The following EGFR variants were observed in gnomAD, a reference collection of about 807,000 sequenced individuals.
EGFR encodes the protein epidermal growth factor receptor, also known as avian erythroblastic leukemia viral (v-erb-b) oncogene homolog.
In EGFR, 58 loss-of-function variants were observed where a neutral mutation model predicts 143.0. That is an observed-to-expected ratio of 0.41 (90% CI 0.33 to 0.50). The LOEUF (loss-of-function observed/expected upper bound fraction) is 0.50, where lower values mean the gene tolerates loss of function less well. EGFR is among the 20% of genes least tolerant of loss of function. EGFR has a pLI of 0.39. For missense variants in EGFR, 1,307 were observed against 1,579.0 expected, an observed-to-expected ratio of 0.83 and a Z score of 2.92; for synonymous variants, 613 against 594.4, an observed-to-expected ratio of 1.03 and a Z score of -0.45.
At chr7:55,146,166 C>T (rs1487992060) in intron 3 of EGFR, among the ~76,000 whole-genome samples, 1 of 151,994 alleles carries the variant, frequency 6.6e-6, no homozygotes, top group Non-Finnish European at 1.5e-5. Context: ...CCTGGGCATG[C>T]AAGGTGGAGC....
intron 1 of EGFR, among the ~76,000 whole-genome samples, chr7:55,065,116 G>C (rs1789421575): frequency 1.3e-5 from 2 of 152,242 alleles, no homozygotes; most frequent in African/African-American, 4.8e-5. Flanking sequence ...TGACACTTTT[G>C]ATGATTGCTC....
In EGFR at chr7:55,175,089, T is replaced by C. The variant is rs712831; in HGVS notation, c.2283+269T>C. Among the ~76,000 whole-genome samples the C allele has an allele frequency of 0.73, 111,559 of 152,134 alleles. 41,490 individuals are homozygous for C. The highest frequency in any genetic ancestry group is 0.79 in the Admixed American group (12,146 of 15,302). ...AGCACTAGTTTCTTGACACGCATGA[T>C]GAGTGAGTGCTCTTGGTGAGCCTGG... On this transcript the variant is annotated intron_variant, in intron 19 of 27. Coordinates refer to ENST00000275493, the MANE Select transcript of EGFR (RefSeq NM_005228.5).
chr7:55,157,189 C>T (rs1187667583), intron 10 of EGFR, among the ~76,000 whole-genome samples: 1 of 152,242 alleles, frequency 6.6e-6, no homozygotes, highest in African/African-American at 2.4e-5. Flanking sequence ...CTTGTGGGGC[C>T]ACGGGCAAGC....
intron 1 of EGFR, among the ~76,000 whole-genome samples, chr7:55,133,514 G>A (rs561793261): frequency 7.0e-4 from 106 of 152,336 alleles, no homozygotes; most frequent in Non-Finnish European, 1.0e-3. Flanking sequence ...TTTTGAAGCC[G>A]ATTTTCCAGC....
intron 15 of EGFR, chr7:55,170,952 C>A: frequency 1.4e-6 from 2 of 1,437,642 alleles, no homozygotes; most frequent in Non-Finnish European, 1.8e-6. Flanking sequence ...AGAACAACGC[C>A]TGTCACAGAG....
intron 1 of EGFR, among the ~76,000 whole-genome samples, chr7:55,103,347 T>C (rs1791931506): frequency 6.6e-6 from 1 of 152,242 alleles, no homozygotes; most frequent in African/African-American, 2.4e-5. Flanking sequence ...GATTTCTTAA[T>C]TAATATTATG....
intron 27 of EGFR, among the ~76,000 whole-genome samples, chr7:55,204,818 T>C (rs1268940329): frequency 8.2e-6 from 1 of 121,556 alleles, no homozygotes; most frequent in Admixed American, 8.5e-5. Context: ...ACACCACATA[T>C]ACACACACGT....
chr7:55,199,381 C>G (rs569090432), intron 23 of EGFR, among the ~76,000 whole-genome samples: 50 of 152,218 alleles, frequency 3.3e-4, no homozygotes, highest in African/African-American at 1.2e-3. Flanking sequence ...ACCAGATTCA[C>G]GAGTGCAGTG....
Position 55,208,929 on chromosome 7 carries a change from C to T in EGFR, c.*3312C>T, listed in dbSNP as rs952547266. On this transcript the variant is annotated 3_prime_UTR_variant, in exon 28 of 28. Transcript: ENST00000275493. ...TCAGAGCACCCCCTGGTTATTGCAA[C>T]ATTCATCAAAGTTTCTAGAACCTCT... 10 of 152,144 alleles carry T rather than the reference C, an allele frequency of 6.6e-5. No homozygotes were observed. The highest frequency in any genetic ancestry group is 5.9e-4 in the Admixed American group (9 of 15,276). 9.4% of individuals were successfully genotyped at this position (152,144 alleles called of 1,614,324 possible).
At chr7:55,060,887 T>A (rs1789127269) in intron 1 of EGFR, among the ~76,000 whole-genome samples, 1 of 152,202 alleles carries the variant, frequency 6.6e-6, no homozygotes, top group African/African-American at 2.4e-5. Context: ...GTGCTCTGGT[T>A]AACACTGAGT....
At chr7:55,101,091 A>G (rs991386432) in intron 1 of EGFR, among the ~76,000 whole-genome samples, 3 of 152,054 alleles carry the variant, frequency 2.0e-5, no homozygotes, top group Non-Finnish European at 4.4e-5. Flanking sequence ...CCCTCTGACA[A>G]CTCTGCTCCT....
chr7:55,026,521 C>T (rs1228460322), intron 1 of EGFR, among the ~76,000 whole-genome samples: 4 of 152,196 alleles, frequency 2.6e-5, no homozygotes, highest in South Asian at 2.1e-4. Context: ...GTCAGCATGA[C>T]CATAAACCAC....
In EGFR at chr7:55,209,849, T is replaced by C. The variant is rs1248197373; in HGVS notation, c.*4232T>C. On this transcript the variant is annotated 3_prime_UTR_variant, in exon 28 of 28. Transcript: ENST00000275493. ...CTACTAAAACAAACACAGTTTACTT[T>C]AGAGAGACTGCAATAGAATCAAAAT... The C allele has an allele frequency of 6.6e-6, 1 of 152,194 alleles. No individual in the cohort carries two copies. The highest frequency in any genetic ancestry group is 1.9e-4 in the East Asian group (1 of 5,206). The allele number at this position is 152,194 out of a possible 1,614,324, so 9.4% of individuals were successfully genotyped here. A position where few individuals can be genotyped will look rare whatever the true frequency, so the allele number is the denominator to read the frequency against.
At chr7:55,138,866 A>G (rs1159265084) in intron 1 of EGFR, among the ~76,000 whole-genome samples, 1 of 152,188 alleles carries the variant, frequency 6.6e-6, no homozygotes, top group Non-Finnish European at 1.5e-5. Context: ...TCTGCTTGGC[A>G]GCTGGTGAGG....
intron 1 of EGFR, among the ~76,000 whole-genome samples, chr7:55,100,310 G>A (rs1313403578): frequency 1.3e-5 from 2 of 152,208 alleles, no homozygotes; most frequent in African/African-American, 4.8e-5. Flanking sequence ...GACACCATGA[G>A]CTCACTGTCA....
At chr7:55,148,216 G>C (rs10488143) in intron 4 of EGFR, among the ~76,000 whole-genome samples, 6,334 of 152,148 alleles carry the variant, frequency 0.042, 154 homozygotes, top group Middle Eastern at 0.12. Context: ...ATGAGATCAA[G>C]GTTAGCATTT....
rs1381482908 is a variant in EGFR at position 55,048,295 on chromosome 7, C to T, written c.88+28930C>T. ...CATATGTGTTGTGTGTACAGGCTCC[C>T]AGCATTTCCAGGGCCCTGCTCAGAA... On this transcript the variant is annotated intron_variant, in intron 1 of 27. Transcript: ENST00000275493. 2.0e-5 allele frequency among the ~76,000 whole-genome samples: 3 copies of T among 152,304 alleles called. No homozygotes were observed. The East Asian group carries it at 5.8e-4, about 29-fold the overall frequency.
chr7:55,022,616 T>G (rs957597061), intron 1 of EGFR, among the ~76,000 whole-genome samples: 1 of 151,954 alleles, frequency 6.6e-6, no homozygotes, highest in African/African-American at 2.4e-5. Flanking sequence ...GAAGGGGGGG[T>G]GAGTTTTAAG....
chr7:55,100,600 C>G (rs556115335), intron 1 of EGFR, among the ~76,000 whole-genome samples: 1 of 152,330 alleles, frequency 6.6e-6, no homozygotes, highest in South Asian at 2.1e-4. Context: ...TCACCCAAGG[C>G]TTTGAAAGGG....
Sources: allele counts gnomAD v4.1 joint callset (sites outside exome capture counted in the v4.1 genomes callset), GRCh38; gene constraint gnomAD v4.1.1; transcripts MANE v1.5; gene names NCBI Gene and HGNC (gene_info 2026-07-23, HGNC 2026-07-21).